Variants in PIBF1 observed in about 807,000 individuals in gnomAD.
PIBF1 encodes progesterone-induced-blocking factor 1.
PIBF1 carries 90 observed loss-of-function variants against 112.5 expected under a neutral mutation model. The observed-to-expected ratio is 0.80, with a 90% CI of 0.67 to 0.95. PIBF1 has a LOEUF of 0.95. Ranked by LOEUF, PIBF1 falls within the 40% of genes least tolerant of loss-of-function variation. The pLI is 0.00. For missense variants in PIBF1, 915 were observed against 852.3 expected (o/e 1.07, Z -0.92); for synonymous variants, 301 against 288.6 (o/e 1.04, Z -0.44).
intron 14 of PIBF1, among the ~76,000 whole-genome samples, chr13:72,952,144 G>T (rs1011672990): frequency 2.0e-5 from 3 of 146,802 alleles, no homozygotes; most frequent in African/African-American, 7.6e-5. Flanking sequence ...AAGCTGTTCT[G>T]CCAGGTTCAA....
At chr13:72,853,186 C>A (rs748691735) in intron 9 of PIBF1, among the ~76,000 whole-genome samples, 13 of 152,116 alleles carry the variant, frequency 8.5e-5, no homozygotes, top group South Asian at 2.1e-4. Flanking sequence ...TGTGTAATCT[C>A]CCAGTTAGTC....
chr13:72,903,275 T>G (rs1390734165), intron 11 of PIBF1, among the ~76,000 whole-genome samples: 6 of 152,136 alleles, frequency 3.9e-5, no homozygotes, highest in Admixed American at 3.9e-4. Flanking sequence ...TCTCCCCCCC[T>G]AGACTAAGAC....
intron 16 of PIBF1, among the ~76,000 whole-genome samples, chr13:72,977,397 G>A (rs993247334): frequency 1.3e-5 from 2 of 152,070 alleles, no homozygotes; most frequent in East Asian, 3.9e-4. Flanking sequence ...TAGTAGAGAT[G>A]GGGTTTCACC....
intron 14 of PIBF1, 62 bp downstream of exon 14, chr13:72,931,329 CT>C: frequency 1.9e-6 from 2 of 1,051,226 alleles, no homozygotes; most frequent in Middle Eastern, 2.6e-4. Flanking sequence ...GTTTGTAACT[CT>C]TTTATTTTTC....
chr13:72,795,102 A>C lies in PIBF1; in HGVS notation c.354-257A>C, dbSNP rs191195731. On this transcript the variant is annotated intron_variant, in intron 3 of 17. Coordinates refer to ENST00000326291, the MANE Select transcript of PIBF1 (RefSeq NM_006346.4). The stretch of plus-strand genomic sequence containing the variant: ...AAGAAATATATAATTTTATAATTTG[A>C]ATTTCTAAAATTATTCTTTAAGAAT... Among the ~76,000 whole-genome samples, 254 of 152,328 alleles carry C rather than the reference A, an allele frequency of 1.7e-3. 2 individuals carry two copies. The highest frequency in any genetic ancestry group is 6.8e-3 in the Middle Eastern group (2 of 294).
chr13:72,819,557 A>T (rs1171056389), intron 5 of PIBF1, among the ~76,000 whole-genome samples: 1 of 152,112 alleles, frequency 6.6e-6, no homozygotes, highest in African/African-American at 2.4e-5. Context: ...TTTGGATTTG[A>T]CAAACTTAGA....
chr13:72,899,223 G>A lies in PIBF1; in HGVS notation c.1488+5274G>A, dbSNP rs1319632743. 5.9e-5 allele frequency among the ~76,000 whole-genome samples: 9 copies of A among 152,186 alleles called. No individual in the cohort carries two copies. The South Asian group carries it at 1.9e-3, about 32-fold the overall frequency. On this transcript the variant is annotated intron_variant, in intron 11 of 17. Transcript: ENST00000326291. ...AAGAAGAATTGGTACCAATCCTTTT[G>A]ACACTATTTCACAAGATAGAGAAAG... is the stretch of plus-strand genomic sequence containing the variant.
chr13:72,795,407 A>G lies in PIBF1; in HGVS notation c.402A>G (p.Arg134=), dbSNP rs2035142850. 1 of 1,606,562 alleles carries G rather than the reference A, an allele frequency of 6.2e-7. No homozygotes were observed. The highest frequency in any genetic ancestry group is 8.5e-7 in the Non-Finnish European group (1 of 1,177,596). Residue 134 remains arginine (R), a synonymous_variant, in exon 4 of 18, where the codon AGA becomes AGG. Coordinates refer to ENST00000326291, the MANE Select transcript of PIBF1 (RefSeq NM_006346.4). ...MKQEMETILL[R]QKQLEETNLQ... Reference sequence around the variant, plus strand: ...AAGAAATGGAAACCATTTTGTTGAGACAGAAACAACTAGAAGAGACAAATC... The same window carrying G: ...AAGAAATGGAAACCATTTTGTTGAGGCAGAAACAACTAGAAGAGACAAATC...
chr13:72,853,393 C>T (rs558702175), intron 9 of PIBF1, among the ~76,000 whole-genome samples: 5 of 152,262 alleles, frequency 3.3e-5, no homozygotes, highest in South Asian at 4.1e-4. Flanking sequence ...TTTTCATACC[C>T]GATCTTGTTA....
intron 15 of PIBF1, chr13:72,969,455 ATCTTAT>A (rs533903810): frequency 2.6e-5 from 4 of 152,172 alleles, no homozygotes; most frequent in Admixed American, 1.3e-4. Context: ...AGGATATGAA[ATCTTAT>A]TCTTAATTGA....
intron 11 of PIBF1, among the ~76,000 whole-genome samples, chr13:72,903,325 G>A (rs776008285): frequency 1.4e-4 from 22 of 152,104 alleles, no homozygotes; most frequent in Admixed American, 2.0e-4. Flanking sequence ...CCAGAACCTG[G>A]CACATAGTTA....
chr13:72,893,673 T>G (rs2040145798), intron 10 of PIBF1, 111 bp from the exon 11 acceptor site: 2 of 553,368 alleles, frequency 3.6e-6, no homozygotes, highest in Non-Finnish European at 2.9e-6. Context: ...AAATATAAAT[T>G]ATTAACTCCA....
intron 17 of PIBF1, among the ~76,000 whole-genome samples, chr13:73,010,170 A>G (rs556945924): frequency 4.0e-5 from 6 of 151,088 alleles, no homozygotes; most frequent in Non-Finnish European, 8.8e-5. Context: ...ATGATCACAC[A>G]GTTTCTCAAA....
At chr13:72,998,108 A>G (rs1035292035) in intron 16 of PIBF1, among the ~76,000 whole-genome samples, 2 of 152,244 alleles carry the variant, frequency 1.3e-5, no homozygotes, top group Non-Finnish European at 2.9e-5. Flanking sequence ...GCTGACTAGT[A>G]GCCAAGATTG....
chr13:72,946,877 C>T (rs1251777754), intron 14 of PIBF1, among the ~76,000 whole-genome samples: 1 of 152,362 alleles, frequency 6.6e-6, no homozygotes, highest in Non-Finnish European at 1.5e-5. Context: ...CTCCCAGCTG[C>T]TTTCATGGGC....
At chr13:72,886,484 A>G (rs2039861934) in intron 10 of PIBF1, among the ~76,000 whole-genome samples, 1 of 150,598 alleles carries the variant, frequency 6.6e-6, no homozygotes, top group African/African-American at 2.4e-5. Context: ...TTTCACTCTA[A>G]TTTTATCTCA....
At chr13:72,953,560 G>A (rs558736623) in intron 14 of PIBF1, among the ~76,000 whole-genome samples, 141 of 152,302 alleles carry the variant, frequency 9.3e-4, no homozygotes, top group Non-Finnish European at 1.5e-3. Flanking sequence ...GAGGAGTGAC[G>A]TAGACTCTGA....
intron 11 of PIBF1, among the ~76,000 whole-genome samples, chr13:72,900,841 G>A (rs1025982156): frequency 6.6e-6 from 1 of 152,130 alleles, no homozygotes; most frequent in Non-Finnish European, 1.5e-5. Context: ...TGACCAACAT[G>A]GTGAAACACC....
At chr13:72,884,097 G>C (rs757335114) in intron 10 of PIBF1, among the ~76,000 whole-genome samples, 1 of 151,932 alleles carries the variant, frequency 6.6e-6, no homozygotes. Context: ...TACGTACTAC[G>C]TACCTATAAA....
Sources: allele counts gnomAD v4.1 joint callset (sites outside exome capture counted in the v4.1 genomes callset), GRCh38; gene constraint gnomAD v4.1.1; transcripts MANE v1.5; gene names NCBI Gene and HGNC (gene_info 2026-07-23, HGNC 2026-07-21).